SLIT3: variants seen among roughly 807,000 people sequenced by gnomAD.
The protein encoded by SLIT3 is slit homolog 3 protein.
In SLIT3, 68 loss-of-function variants were observed where a neutral mutation model predicts 184.0. The ratio of observed to expected loss-of-function variants is 0.37; its 90% CI spans 0.30 to 0.45. SLIT3 has a LOEUF of 0.45. Among genes scored for constraint, SLIT3 ranks in the 20% least tolerant of loss-of-function variants. The pLI, the probability that SLIT3 is intolerant of heterozygous loss-of-function variation, is 1.00. For synonymous variants in SLIT3, 831 were observed against 828.6 expected, an observed-to-expected ratio of 1.00 and a Z score of -0.05; for missense variants, 1,707 against 2,026.0, an observed-to-expected ratio of 0.84 and a Z score of 3.02.
intron 4 of SLIT3, among the ~76,000 whole-genome samples, chr5:169,104,023 C>T (rs988990040): frequency 2.0e-5 from 3 of 152,330 alleles, no homozygotes; most frequent in Admixed American, 6.5e-5. Context: ...CTGTTACTCC[C>T]GAATCCAGTT....
intron 4 of SLIT3, among the ~76,000 whole-genome samples, chr5:169,033,038 T>C (rs1339122347): frequency 6.6e-6 from 1 of 151,046 alleles, no homozygotes; most frequent in Admixed American, 6.6e-5. Context: ...GGTTGTACAT[T>C]AGGTCTCCAG....
intron 4 of SLIT3, among the ~76,000 whole-genome samples, chr5:169,022,566 A>G (rs1211723485): frequency 1.3e-5 from 2 of 152,206 alleles, no homozygotes; most frequent in East Asian, 3.9e-4. Flanking sequence ...TGTATTTCCT[A>G]TGTTTGCCTT....
intron 4 of SLIT3, among the ~76,000 whole-genome samples, chr5:169,063,971 A>G (rs1287141463): frequency 6.6e-6 from 1 of 152,208 alleles, no homozygotes; most frequent in African/African-American, 2.4e-5. Flanking sequence ...AATTTATAGA[A>G]TGATTTGAAA....
At chr5:169,185,142 T>A (rs1032179351) in intron 4 of SLIT3, among the ~76,000 whole-genome samples, 2 of 152,160 alleles carry the variant, frequency 1.3e-5, no homozygotes, top group African/African-American at 2.4e-5. Context: ...CACACACAGA[T>A]TAAAGCAAAA....
intron 32 of SLIT3, among the ~76,000 whole-genome samples, chr5:168,680,882 G>A (rs1761569173): frequency 6.6e-6 from 1 of 152,074 alleles, no homozygotes; most frequent in South Asian, 2.1e-4. Context: ...TGGGCACAGT[G>A]GCTCACACCT....
intron 5 of SLIT3, among the ~76,000 whole-genome samples, chr5:168,860,870 C>A (rs941613954): frequency 1.3e-5 from 2 of 152,220 alleles, no homozygotes; most frequent in Admixed American, 6.5e-5. Context: ...TCCCCTTGCT[C>A]CTGTTTCTGC....
chr5:168,741,740 G>C (rs1763646513), intron 20 of SLIT3, among the ~76,000 whole-genome samples: 2 of 151,274 alleles, frequency 1.3e-5, no homozygotes, highest in Admixed American at 1.3e-4. Context: ...CTTTCTGAAA[G>C]GAAGGTTAAT....
At chr5:168,676,483 A>G (rs971128895) in intron 32 of SLIT3, among the ~76,000 whole-genome samples, 1 of 152,202 alleles carries the variant, frequency 6.6e-6, no homozygotes, top group African/African-American at 2.4e-5. Context: ...TTTCTATTTC[A>G]GAAGCCTCCA....
chr5:169,298,500 T>C (rs1767583974), intron 1 of SLIT3, among the ~76,000 whole-genome samples: 1 of 152,132 alleles, frequency 6.6e-6, no homozygotes, highest in African/African-American at 2.4e-5. Flanking sequence ...TGGAGCACGA[T>C]TTTGAAGATG....
chr5:168,786,254 G>A (rs1417791879), intron 11 of SLIT3, among the ~76,000 whole-genome samples: 1 of 152,176 alleles, frequency 6.6e-6, no homozygotes, highest in Non-Finnish European at 1.5e-5. Context: ...ACAGGAAGAA[G>A]CGGTCTCTTT....
Position 169,178,669 on chromosome 5 carries a change from T to C in SLIT3, c.413+14810A>G, listed in dbSNP as rs111737446. Among the ~76,000 whole-genome samples the C allele has an allele frequency of 8.6e-3, 1,303 of 152,322 alleles. 19 individuals are homozygous for C. Among genetic ancestry groups the C allele is most frequent in the African/African-American group, 0.027 (1,125 of 41,570 alleles). ...CACCCCTATTCCCTGTTTAATTTTA[T>C]TGTTGCTGTTATCCTTTCTTCCTTC... On this transcript the variant is annotated intron_variant, in intron 4 of 35. Coordinates refer to ENST00000519560, the MANE Select transcript of SLIT3 (RefSeq NM_003062.4).
At chr5:169,228,900 G>T (rs369607396) in intron 3 of SLIT3, among the ~76,000 whole-genome samples, 6 of 152,158 alleles carry the variant, frequency 3.9e-5, no homozygotes, top group African/African-American at 1.4e-4. Flanking sequence ...CAGAAATCAT[G>T]AATTTATAGT....
intron 4 of SLIT3, among the ~76,000 whole-genome samples, chr5:169,146,468 C>T (rs1223161588): frequency 6.6e-6 from 1 of 152,204 alleles, no homozygotes; most frequent in Non-Finnish European, 1.5e-5. Flanking sequence ...TTCATTTCCC[C>T]TGGTTCTGGT....
chr5:168,941,286 G>A (rs894043812), intron 4 of SLIT3, among the ~76,000 whole-genome samples: 11 of 152,194 alleles, frequency 7.2e-5, no homozygotes, highest in Admixed American at 2.6e-4. Flanking sequence ...TCCATCTCTC[G>A]GCAGGAAGAA....
chr5:168,911,038 AG>A lies in SLIT3; in HGVS notation c.414-27703del, dbSNP rs536164884. Among the ~76,000 whole-genome samples, 1,045 of 152,292 alleles carry A rather than the reference AG, an allele frequency of 6.9e-3. 4 individuals are homozygous for A. Among genetic ancestry groups the A allele is most frequent in the Non-Finnish European group, 0.012 (804 of 68,024 alleles). On this transcript the variant is annotated intron_variant, in intron 4 of 35. Coordinates refer to ENST00000519560, the MANE Select transcript of SLIT3 (RefSeq NM_003062.4). ...CTGTACCAGGTACGAAACCAAAAGCAGAAAAGCTACGTTTAAAATCAAGCAG... is the reference window on the plus strand; with the variant it reads ...CTGTACCAGGTACGAAACCAAAAGCAAAAAGCTACGTTTAAAATCAAGCAG...
At chr5:168,758,772 T>G (rs1755039380) in intron 16 of SLIT3, among the ~76,000 whole-genome samples, 1 of 152,142 alleles carries the variant, frequency 6.6e-6, no homozygotes, top group African/African-American at 2.4e-5. Flanking sequence ...GTCATATTTG[T>G]CTACAGGGAA....
intron 16 of SLIT3, 110 bp from the exon 17 acceptor site, chr5:168,754,117 C>T (rs1754811987): frequency 1.8e-6 from 2 of 1,120,238 alleles, no homozygotes; most frequent in Admixed American, 2.3e-5. Context: ...GCCCCTGAGA[C>T]TGAGGACTGG....
chr5:168,927,637 T>A (rs1761871953), intron 4 of SLIT3, among the ~76,000 whole-genome samples: 1 of 152,216 alleles, frequency 6.6e-6, no homozygotes, highest in African/African-American at 2.4e-5. Context: ...CTTCCTAAAA[T>A]CAGCCATACA....
intron 4 of SLIT3, among the ~76,000 whole-genome samples, chr5:169,056,336 A>C (rs1284184400): frequency 6.6e-6 from 1 of 152,164 alleles, no homozygotes; most frequent in Non-Finnish European, 1.5e-5. Context: ...GTAGAGTCCA[A>C]AAGATTCCTC....
Sources: gnomAD v4.1 joint callset for allele counts (sites outside exome capture counted in the v4.1 genomes callset) on GRCh38, gnomAD v4.1.1 for gene constraint, MANE v1.5 for transcripts, NCBI Gene and HGNC (gene_info 2026-07-23, HGNC 2026-07-21) for gene names.